RNF216: variants seen among roughly 807,000 people sequenced by gnomAD.
RNF216 encodes the protein E3 ubiquitin-protein ligase RNF216.
Under a neutral mutation model 110.8 loss-of-function variants are expected in RNF216, and 72 were observed. The ratio of observed to expected loss-of-function variants is 0.65; its 90% CI spans 0.54 to 0.79. RNF216 has a LOEUF of 0.79. Among genes scored for constraint, RNF216 ranks in the 30% least tolerant of loss-of-function variants. The pLI is 0.00. For missense variants in RNF216, 1,342 were observed against 1,141.2 expected (o/e 1.18, Z -2.54); for synonymous variants, 495 against 407.5 (o/e 1.21, Z -2.59).
chr7:5,741,744 C>A lies in RNF216; in HGVS notation c.273G>T (p.Leu91Phe). 6.2e-7 allele frequency: 1 copy of A among 1,614,168 alleles called. No homozygotes were observed. The change falls in exon 4 of 17, where the codon TTG becomes TTT. Residue 91 changes from leucine (L) to phenylalanine (F), a missense_variant. Leu to Phe is a conservative substitution (Grantham distance 22). Transcript: ENST00000389902. ...TAGACTTTTTAGGCCTTTCTTCTCC[C>A]AACCTTTTCAGATCTTGCCACTGGG... ...PAAQWQDLKR[L>F]GEERPKKSRA...
intron 5 of RNF216, chr7:5,732,986 T>C (rs1221988111): frequency 6.6e-6 from 1 of 152,236 alleles, no homozygotes; most frequent in Non-Finnish European, 1.5e-5. Flanking sequence ...TGTGGTTCTC[T>C]AATGAATAGG....
chr7:5,709,592 C>A (rs1170146325), intron 13 of RNF216, among the ~76,000 whole-genome samples: 1 of 152,168 alleles, frequency 6.6e-6, no homozygotes. Context: ...TGGCTACCTT[C>A]AAGTTCAGCA....
At chr7:5,623,955 C>A (rs1324513339) in intron 16 of RNF216, 101 bp downstream of exon 16, 2 of 992,102 alleles carry the variant, frequency 2.0e-6, no homozygotes, top group Non-Finnish European at 3.0e-6. Flanking sequence ...ACCCCCTCCT[C>A]TCCTGTGCTG....
chr7:5,757,273 C>T (rs547174474), intron 2 of RNF216, among the ~76,000 whole-genome samples: 2 of 152,208 alleles, frequency 1.3e-5, no homozygotes, highest in African/African-American at 4.8e-5. Context: ...TGTATATTTT[C>T]CTATCATGTT....
intron 13 of RNF216, among the ~76,000 whole-genome samples, chr7:5,682,456 G>T (rs528997854): frequency 1.3e-5 from 2 of 149,442 alleles, no homozygotes; most frequent in Non-Finnish European, 3.0e-5. Context: ...TGCCCAGGCT[G>T]CAGTGCAGTG....
intron 13 of RNF216, chr7:5,666,615 G>A (rs529826468): frequency 6.6e-6 from 1 of 152,290 alleles, no homozygotes; most frequent in African/African-American, 2.4e-5. Flanking sequence ...CCCACCTGCA[G>A]GGATCCCTTT....
chr7:5,743,642 A>C (rs754768781), intron 3 of RNF216, among the ~76,000 whole-genome samples: 2 of 152,228 alleles, frequency 1.3e-5, no homozygotes, highest in Non-Finnish European at 2.9e-5. Flanking sequence ...AAAAGTATGT[A>C]TATGTACCCA....
intron 13 of RNF216, among the ~76,000 whole-genome samples, chr7:5,672,925 T>C (rs889704821): frequency 3.3e-5 from 5 of 152,146 alleles, no homozygotes; most frequent in Non-Finnish European, 5.9e-5. Flanking sequence ...GGGGGATGTC[T>C]TGAAATTGGA....
Position 5,707,660 on chromosome 7 carries a change from G to C in RNF216, c.2061+4101C>G, listed in dbSNP as rs117899626. On this transcript the variant is annotated intron_variant, in intron 13 of 16. Coordinates refer to ENST00000389902, the MANE Select transcript of RNF216 (RefSeq NM_207111.4). ...TATATAGCATGGAAGTGGTGACAGT[G>C]ATATCCTTGCCTTGTTCCTGATCTT... Among the ~76,000 whole-genome samples, 150 of 149,364 alleles carry C rather than the reference G, an allele frequency of 1.0e-3. 1 individual carries two copies. The highest frequency in any genetic ancestry group is 3.6e-3 in the African/African-American group (146 of 40,606).
At chr7:5,701,121 C>G (rs1004191380) in intron 13 of RNF216, among the ~76,000 whole-genome samples, 1 of 152,172 alleles carries the variant, frequency 6.6e-6, no homozygotes, top group Non-Finnish European at 1.5e-5. Flanking sequence ...ACAGCCTCCC[C>G]CAGCACGTGG....
chr7:5,740,169 C>T (rs1414867518), intron 4 of RNF216, among the ~76,000 whole-genome samples: 23 of 142,556 alleles, frequency 1.6e-4, no homozygotes, highest in African/African-American at 6.2e-4. Context: ...CTCTGTCGCC[C>T]AGGCTGGAGT....
chr7:5,714,066 G>A (rs1329698644), intron 11 of RNF216, among the ~76,000 whole-genome samples: 1 of 152,120 alleles, frequency 6.6e-6, no homozygotes, highest in Non-Finnish European at 1.5e-5. Flanking sequence ...GCAGTGGTGC[G>A]ATCTCAGCTC....
At chr7:5,676,800 G>C (rs1790328739) in intron 13 of RNF216, among the ~76,000 whole-genome samples, 1 of 152,186 alleles carries the variant, frequency 6.6e-6, no homozygotes, top group Admixed American at 6.5e-5. Context: ...AAAGCCACTG[G>C]ACTCAGGTTC....
At chr7:5,735,563 C>T (rs568405700) in intron 5 of RNF216, among the ~76,000 whole-genome samples, 1 of 152,292 alleles carries the variant, frequency 6.6e-6, no homozygotes, top group Non-Finnish European at 1.5e-5. Flanking sequence ...AAGGAGATTA[C>T]ACTCTACTGA....
chr7:5,759,577 G>A (rs1232069038), intron 2 of RNF216, among the ~76,000 whole-genome samples: 2 of 151,666 alleles, frequency 1.3e-5, no homozygotes, highest in African/African-American at 4.8e-5. Context: ...TATCAGTAAG[G>A]CTTCCAGTCA....
intron 5 of RNF216, among the ~76,000 whole-genome samples, chr7:5,734,596 C>A (rs2128646502): frequency 6.8e-6 from 1 of 147,452 alleles, no homozygotes; most frequent in South Asian, 2.1e-4. Context: ...ATGTAAATAA[C>A]CAAATGGCTT....
chr7:5,746,571 T>C (rs1178342254), intron 3 of RNF216, among the ~76,000 whole-genome samples: 1 of 152,180 alleles, frequency 6.6e-6, no homozygotes, highest in Non-Finnish European at 1.5e-5. Flanking sequence ...CTCAGGTGTC[T>C]TGACTGAGTC....
intron 1 of RNF216, among the ~76,000 whole-genome samples, chr7:5,762,714 A>G (rs1779731685): frequency 6.6e-6 from 1 of 152,032 alleles, no homozygotes; most frequent in Non-Finnish European, 1.5e-5. Flanking sequence ...ACAAACAAAA[A>G]AAAAATTAAA....
chr7:5,720,706 A>C (rs1219918582), intron 9 of RNF216, among the ~76,000 whole-genome samples: 1 of 152,204 alleles, frequency 6.6e-6, no homozygotes, highest in Non-Finnish European at 1.5e-5. Context: ...CTTATTAAAC[A>C]ACCAATATAT....
Sources: allele counts gnomAD v4.1 joint callset (sites outside exome capture counted in the v4.1 genomes callset), GRCh38; gene constraint gnomAD v4.1.1; transcripts MANE v1.5; gene names NCBI Gene and HGNC (gene_info 2026-07-23, HGNC 2026-07-21).